HERC1: variants seen among roughly 807,000 people sequenced by gnomAD.
The protein encoded by HERC1 is probable E3 ubiquitin-protein ligase HERC1.
A neutral mutation model predicts 554.3 loss-of-function variants in HERC1; 160 were observed. That is an observed-to-expected ratio of 0.29 (90% CI 0.25 to 0.33). The LOEUF (loss-of-function observed/expected upper bound fraction) is 0.33. HERC1 is among the 10% of genes least tolerant of loss of function. The probability of loss-of-function intolerance (pLI) is 1.00; values close to 1 mark genes in which losing one functional copy is unlikely to be tolerated. For synonymous variants in HERC1, 2,175 were observed against 2,131.7 expected (o/e 1.02, Z -0.56); for missense variants, 4,919 against 5,918.5 (o/e 0.83, Z 5.54).
intron 27 of HERC1, 145 bp from the exon 28 acceptor site, chr15:63,695,039 T>C (rs1409271102): frequency 2.6e-5 from 17 of 650,178 alleles, no homozygotes; most frequent in Middle Eastern, 4.8e-4. Context: ...ATAAAGTATA[T>C]AATAATTTTT....
At chr15:63,773,494 G>A (rs941814401) in intron 2 of HERC1, among the ~76,000 whole-genome samples, 5 of 147,180 alleles carry the variant, frequency 3.4e-5, no homozygotes, top group Non-Finnish European at 6.0e-5. Flanking sequence ...TTAAAATTAA[G>A]TCAGCTTTTA....
chr15:63,619,008 C>T (rs1274249132), intron 74 of HERC1, among the ~76,000 whole-genome samples: 1 of 152,012 alleles, frequency 6.6e-6, no homozygotes, highest in African/African-American at 2.4e-5. Flanking sequence ...GCCTGATTGC[C>T]CTGGCCAGAA....
chr15:63,815,147 G>A (rs968193163), intron 1 of HERC1, among the ~76,000 whole-genome samples: 7 of 152,122 alleles, frequency 4.6e-5, no homozygotes, highest in African/African-American at 7.2e-5. Flanking sequence ...TCACTAGGAC[G>A]TAGCCAACTC....
intron 12 of HERC1, among the ~76,000 whole-genome samples, chr15:63,745,750 T>C (rs1383186386): frequency 6.6e-6 from 1 of 152,188 alleles, no homozygotes; most frequent in African/African-American, 2.4e-5. Flanking sequence ...CTTATGAAGG[T>C]GGTTTTTTCT....
At chr15:63,707,928 CAAAAAAA>C (rs71131176) in intron 24 of HERC1, among the ~76,000 whole-genome samples, 1 of 55,158 alleles carries the variant, frequency 1.8e-5, no homozygotes, top group African/African-American at 6.3e-5. Context: ...GACTCCCTCT[CAAAAAAA>C]AAAAAAAAAA....
intron 75 of HERC1, 68 bp downstream of exon 75, chr15:63,616,362 C>T: frequency 1.3e-6 from 2 of 1,497,376 alleles, no homozygotes; most frequent in Non-Finnish European, 1.8e-6. Flanking sequence ...CAATTTTACA[C>T]AGAAAAATTC....
intron 71 of HERC1, 108 bp downstream of exon 71, chr15:63,625,877 A>C (rs1391187106): frequency 2.6e-6 from 3 of 1,136,818 alleles, no homozygotes; most frequent in African/African-American, 3.1e-5. Flanking sequence ...TAGCCATGAA[A>C]GAATTTTCCA....
rs543162230 is a variant in HERC1, at chr15:63,660,998, A to G, written c.9198T>C (p.Ile3066=). The change falls in exon 46 of 78, where the codon ATT becomes ATC. Residue 3066 remains isoleucine, a synonymous_variant. Coordinates refer to ENST00000443617, the MANE Select transcript of HERC1 (RefSeq NM_003922.4). ...CTTCATACACACTGTCTTGCTTGCC[A>G]ATTAGATCTGGAGCTTGTCCCTTGT... ...ERYKGQAPDL[I]GKQDSVYEED... is the part of the protein sequence containing the mutation. 1 of 1,612,318 alleles carries G rather than the reference A, an allele frequency of 6.2e-7. No individual in the cohort carries two copies. Among genetic ancestry groups the G allele is most frequent in the South Asian group, 1.1e-5 (1 of 91,046 alleles).
At chr15:63,702,345 CAT>C (rs1392662570) in intron 25 of HERC1, among the ~76,000 whole-genome samples, 4 of 152,260 alleles carry the variant, frequency 2.6e-5, no homozygotes, top group Admixed American at 1.3e-4. Context: ...ATGAAACACA[CAT>C]GTTGATAAAT....
intron 1 of HERC1, among the ~76,000 whole-genome samples, chr15:63,801,816 T>G (rs1358955006): frequency 6.6e-6 from 1 of 152,186 alleles, no homozygotes; most frequent in Admixed American, 6.5e-5. Context: ...CTCCTCTTCA[T>G]GTACATACAT....
intron 57 of HERC1, among the ~76,000 whole-genome samples, chr15:63,644,660 T>C (rs2069239243): frequency 6.6e-6 from 1 of 152,226 alleles, no homozygotes; most frequent in South Asian, 2.1e-4. Context: ...CTGGCATCAG[T>C]TGGAGATTCT....
chr15:63,765,640 C>T (rs990334763), intron 2 of HERC1, among the ~76,000 whole-genome samples: 1 of 152,120 alleles, frequency 6.6e-6, no homozygotes, highest in Non-Finnish European at 1.5e-5. Flanking sequence ...AACGAACGGC[C>T]AATCAGAATA....
chr15:63,651,354 C>T lies in HERC1; in HGVS notation c.10445G>A (p.Gly3482Glu). 1.2e-6 allele frequency: 2 copies of T among 1,613,626 alleles called. No homozygotes were observed. Among genetic ancestry groups the T allele is most frequent in the South Asian group, 1.1e-5 (1 of 91,060 alleles). The change falls in exon 53 of 78, where the codon GGA becomes GAA. Residue 3482 changes from glycine to glutamate, a missense_variant. Physicochemically the swap from Gly to Glu is moderately conservative, Grantham distance 98. Around this residue, in one of 11 missense-constraint regions of HERC1, gnomAD observed 1,963 missense variants for 2,228.6 expected, o/e 0.88. Transcript: ENST00000443617. ...RLEGDAEESL[G>E]SPSDPSFSPV... ...TGAGAAACTTGGATCACTGGGTGAT[C>T]CCAGGCTTTCCTCAGCATCCCCTTC... is the stretch of plus-strand genomic sequence containing the variant.
intron 55 of HERC1, among the ~76,000 whole-genome samples, chr15:63,647,218 C>T (rs937814806): frequency 6.6e-6 from 1 of 151,644 alleles, no homozygotes; most frequent in African/African-American, 2.4e-5. Flanking sequence ...CGCGCCACTG[C>T]ACTCCAGCCT....
chr15:63,692,434 A>G lies in HERC1; in HGVS notation c.5807T>C (p.Ile1936Thr), dbSNP rs568673770. The change falls in exon 31 of 78, where the codon ATA (isoleucine) becomes ACA (threonine). Residue 1936 changes from isoleucine (I) to threonine (T), a missense_variant. Ile to Thr is a moderately conservative substitution (Grantham distance 89). This residue lies in a region of HERC1 where 1,121 missense variants were observed against 1,244.0 expected (regional missense o/e 0.90). Transcript: ENST00000443617. This position sits in a 1 kb window ranked among gnomAD's most constrained non-coding sequence, Gnocchi z 4.7. ...SPKWTEVLLN[I>T]ASQKCSSGIP... Reference sequence around the variant, plus strand: ...ACCTGAAGAACATTTCTGAGATGCTATATTTAGAAGCACTTCGGTCCACTT... The same window carrying G: ...ACCTGAAGAACATTTCTGAGATGCTGTATTTAGAAGCACTTCGGTCCACTT... 6.2e-7 allele frequency: 1 copy of G among 1,609,564 alleles called. No individual in the cohort carries two copies. The highest frequency in any genetic ancestry group is 8.5e-7 in the Non-Finnish European group (1 of 1,178,664).
Position 63,638,097 on chromosome 15 carries a change from G to A in HERC1, c.12093+314C>T, listed in dbSNP as rs78962982. ...CGATAAAATCTGGCTAAAGATCCTAGGAAGTTTTTAGCCCCAAAGAGAAAA... is the reference window on the plus strand; with the variant it reads ...CGATAAAATCTGGCTAAAGATCCTAAGAAGTTTTTAGCCCCAAAGAGAAAA... On this transcript the variant is annotated intron_variant, in intron 63 of 77. Transcript: ENST00000443617. Among the ~76,000 whole-genome samples the A allele has an allele frequency of 4.8e-3, 729 of 152,220 alleles. 7 individuals are homozygous for A. Among genetic ancestry groups the A allele is most frequent in the African/African-American group, 0.017 (701 of 41,536 alleles).
chr15:63,686,261 A>G (rs2071756106), intron 34 of HERC1, 98 bp downstream of exon 34: 5 of 845,446 alleles, frequency 5.9e-6, no homozygotes, highest in Non-Finnish European at 9.2e-6. Flanking sequence ...TTTACATATC[A>G]CGATTTTTTT....
chr15:63,774,538 TA>T (rs560799789), intron 2 of HERC1, among the ~76,000 whole-genome samples, 155 bp downstream of exon 2: 2 of 152,216 alleles, frequency 1.3e-5, no homozygotes, highest in Admixed American at 1.3e-4. Flanking sequence ...TCAACATGCA[TA>T]AAAGTTTCTT....
At chr15:63,709,626 C>T (rs574085871) in intron 24 of HERC1, among the ~76,000 whole-genome samples, 7 of 152,306 alleles carry the variant, frequency 4.6e-5, no homozygotes, top group African/African-American at 1.7e-4. Flanking sequence ...AGTCAGATTT[C>T]ATAGCTGATT....
Sources: allele counts gnomAD v4.1 joint callset (sites outside exome capture counted in the v4.1 genomes callset), GRCh38; gene constraint gnomAD v4.1.1; regional missense constraint gnomAD v4.1.1; non-coding constraint Gnocchi (gnomAD v3.1); transcripts MANE v1.5; gene names NCBI Gene and HGNC (gene_info 2026-07-23, HGNC 2026-07-21).